The following DGLUCY variants were observed in gnomAD, a reference collection of about 807,000 sequenced individuals.
The protein encoded by DGLUCY is D-glutamate cyclase.
In DGLUCY, 58 loss-of-function variants were observed where a neutral mutation model predicts 58.5. The observed-to-expected ratio is 0.99, with a 90% CI of 0.80 to 1.23. DGLUCY has a LOEUF of 1.23. Ranked by LOEUF, DGLUCY falls within the 50% of genes most tolerant of loss-of-function variation. DGLUCY has a pLI of 0.00. For missense variants in DGLUCY, 779 were observed against 784.7 expected (o/e 0.99, Z 0.09); for synonymous variants, 325 against 314.1 (o/e 1.03, Z -0.37).
intron 1 of DGLUCY, among the ~76,000 whole-genome samples, chr14:91,077,061 C>T (rs1034057900): frequency 3.3e-5 from 5 of 151,958 alleles, no homozygotes; most frequent in African/African-American, 9.7e-5. Context: ...TGAGCAACAT[C>T]GTGAGAGCCT....
rs142118168 is a variant in DGLUCY, at chr14:91,175,990, C to T, written c.664C>T (p.Pro222Ser). 3.1e-6 allele frequency: 5 copies of T among 1,613,918 alleles called. No individual in the cohort carries two copies. The highest frequency in any genetic ancestry group is 4.2e-6 in the Non-Finnish European group (5 of 1,179,956). Residue 222 changes from proline (P) to serine (S), a missense_variant, in exon 7 of 14, where the codon CCC becomes TCC. Pro to Ser is a moderately conservative substitution (Grantham distance 74). Transcript: ENST00000256324. Reference protein sequence around the residue: ...KPAYGDAMVCPPGEVPVFWPS... With the variant: ...KPAYGDAMVCSPGEVPVFWPS... Reference sequence around the variant, plus strand: ...TGCCTACGGGGATGCCATGGTGTGTCCCCCAGGGGAGGTTCCAGTGTTCTG... The same window carrying T: ...TGCCTACGGGGATGCCATGGTGTGTTCCCCAGGGGAGGTTCCAGTGTTCTG...
intron 3 of DGLUCY, among the ~76,000 whole-genome samples, chr14:91,166,871 G>A (rs964372128): frequency 1.3e-5 from 2 of 152,090 alleles, no homozygotes; most frequent in South Asian, 2.1e-4. Context: ...AGGCCGAGGC[G>A]GGTGGATCAC....
chr14:91,076,826 G>C (rs1361472868), intron 1 of DGLUCY, among the ~76,000 whole-genome samples: 1 of 152,184 alleles, frequency 6.6e-6, no homozygotes, highest in Non-Finnish European at 1.5e-5. Context: ...CTGCATGAGG[G>C]AGGGAGTTAC....
At chr14:91,187,790 A>G (rs942790831) in intron 8 of DGLUCY, among the ~76,000 whole-genome samples, 2 of 152,142 alleles carry the variant, frequency 1.3e-5, no homozygotes, top group African/African-American at 2.4e-5. Context: ...AGAGAATCTC[A>G]AGCTGTGCTG....
rs1051849432 is a variant in DGLUCY at position 91,200,028 on chromosome 14, C to T, written c.1444+123C>T. On this transcript the variant is annotated intron_variant, in intron 11 of 13. Coordinates refer to ENST00000256324, the MANE Select transcript of DGLUCY (RefSeq NM_001102368.3). ...GGAGTGCAGTGGCACGATCTTGGCT[C>T]ACTGCAACCTCTGCCTCCTGGGTTC... 9 of 1,244,546 alleles carry T rather than the reference C, an allele frequency of 7.2e-6. No homozygotes were observed. In the African/African-American group the frequency reaches 1.3e-4, roughly 19 times the overall value. The allele number at this position is 1,244,546 out of a possible 1,614,324, so 77.1% of individuals were successfully genotyped here.
At position 91,074,118 on chromosome 14, in the gene DGLUCY, T is replaced by TACACAC. The variant is rs3086753; in HGVS notation, c.-82+13452_-82+13457dup. Among the ~76,000 whole-genome samples the TACACAC allele has an allele frequency of 9.4e-3, 661 of 70,306 alleles. 16 individuals carry two copies. Among genetic ancestry groups the TACACAC allele is most frequent in the Middle Eastern group, 0.017 (2 of 116 alleles). The allele number at this position is 70,306 out of a possible 152,430, so 46.1% of individuals were successfully genotyped here. On this transcript the variant is annotated intron_variant, in intron 1 of 4. Transcript: ENST00000521334. ...CAAAAAAAAAAAATATATATATATA[T>TACACAC]ACACACACACACACACACACACACA...
Position 91,196,385 on chromosome 14 carries a change from G to T in DGLUCY, c.1206G>T (p.Lys402Asn). 2 of 1,614,052 alleles carry T rather than the reference G, an allele frequency of 1.2e-6. No individual in the cohort carries two copies. Among genetic ancestry groups the T allele is most frequent in the Middle Eastern group, 3.3e-4 (2 of 6,062 alleles). Residue 402 changes from lysine to asparagine, a missense_variant, in exon 10 of 14, where the codon AAG becomes AAT. Coordinates refer to ENST00000256324, the MANE Select transcript of DGLUCY (RefSeq NM_001102368.3). ...VEDAVEQGVL[K>N]TQIPILTYQG... is the part of the protein sequence containing the mutation. Reference sequence around the variant, plus strand: ...GCCTTTATTTTCAAGGTGTTCTGAAGACGCAGATCCCGATATTAACTTACC... The same window carrying T: ...GCCTTTATTTTCAAGGTGTTCTGAATACGCAGATCCCGATATTAACTTACC...
At chr14:91,172,754 C>T (rs2140411142) in intron 5 of DGLUCY, among the ~76,000 whole-genome samples, 1 of 152,016 alleles carries the variant, frequency 6.6e-6, no homozygotes, top group African/African-American at 2.4e-5. Flanking sequence ...TCAAGCCGTT[C>T]TCCTGCCTCA....
At chr14:91,217,114 C>T (rs1044624098) in intron 13 of DGLUCY, among the ~76,000 whole-genome samples, 4 of 152,192 alleles carry the variant, frequency 2.6e-5, no homozygotes, top group African/African-American at 4.8e-5. Context: ...ACCAGACTTG[C>T]GGGACATTCA....
chr14:91,060,386 C>A, exon 1 of DGLUCY: 1 of 1,509,568 alleles, frequency 6.6e-7, no homozygotes, highest in Non-Finnish European at 8.9e-7. Context: ...TCGCCGCCGT[C>A]CGCGCTGGTC....
At chr14:91,135,407 T>C (rs1183042297) in intron 1 of DGLUCY, among the ~76,000 whole-genome samples, 1 of 152,118 alleles carries the variant, frequency 6.6e-6, no homozygotes, top group Non-Finnish European at 1.5e-5. Flanking sequence ...CCCAGAACTT[T>C]GGGAGGCCAA....
At chr14:91,062,558 A>AAAAAAAAAAATATAT (rs1555386902) in intron 1 of DGLUCY, among the ~76,000 whole-genome samples, 2 of 23,694 alleles carry the variant, frequency 8.4e-5, no homozygotes, top group Non-Finnish European at 1.5e-4. Context: ...AAAAAAAAAA[A>AAAAAAAAAAATATAT]ATATATATAT....
upstream of DGLUCY, among the ~76,000 whole-genome samples, chr14:91,106,812 A>T (rs1378995134): frequency 6.6e-6 from 1 of 152,158 alleles, no homozygotes; most frequent in African/African-American, 2.4e-5. Context: ...ATTTTTGTCC[A>T]GGCTGTAATG....
At chr14:91,139,061 G>A (rs1038558295) in intron 1 of DGLUCY, among the ~76,000 whole-genome samples, 1 of 152,192 alleles carries the variant, frequency 6.6e-6, no homozygotes, top group Non-Finnish European at 1.5e-5. Context: ...AACAGATTTA[G>A]TATAAAGAAT....
intron 1 of DGLUCY, among the ~76,000 whole-genome samples, chr14:91,102,492 C>G (rs1471572643): frequency 2.6e-5 from 4 of 152,168 alleles, no homozygotes; most frequent in Non-Finnish European, 4.4e-5. Flanking sequence ...CTCCTCCGGC[C>G]CCGGGACTGT....
In DGLUCY at chr14:91,224,726, A is replaced by G. The variant is rs754831807; in HGVS notation, c.1759A>G (p.Ser587Gly). Residue 587 changes from serine (S) to glycine (G), a missense_variant, in exon 14 of 14, where the codon AGT becomes GGT. By Grantham distance (56) the Ser-to-Gly change is moderately conservative. Coordinates refer to ENST00000256324, the MANE Select transcript of DGLUCY (RefSeq NM_001102368.3). The stretch of plus-strand genomic sequence containing the variant: ...CATCTTGGTGCAGCACAAAGTCCGG[A>G]GTGGCGTCTCGGGCATCGTGGGCAT... ...LGILVQHKVRSGVSGIVGMEV... is the reference protein window; with the variant it reads ...LGILVQHKVRGGVSGIVGMEV... The G allele has an allele frequency of 2.5e-6, 4 of 1,612,948 alleles. 1 individual carries two copies. The Admixed American group carries it at 6.7e-5, about 27-fold the overall frequency.
rs143527232 is a variant in DGLUCY at position 91,122,610 on chromosome 14, T to G, written c.-82+8327T>G. On this transcript the variant is annotated intron_variant, in intron 1 of 13. Coordinates refer to ENST00000256324, the MANE Select transcript of DGLUCY (RefSeq NM_001102368.3). ...TATAATAAAAGAAAAAAGTTTTTTTTTTTTTTTTTTGAGATAGAGTCTCAC... is the reference window on the plus strand; with the variant it reads ...TATAATAAAAGAAAAAAGTTTTTTTGTTTTTTTTTTGAGATAGAGTCTCAC... 8.4e-4 allele frequency among the ~76,000 whole-genome samples: 113 copies of G among 133,926 alleles called. 1 individual carries two copies. Among genetic ancestry groups the G allele is most frequent in the Non-Finnish European group, 1.3e-3 (81 of 63,168 alleles). The allele number at this position is 133,926 out of a possible 152,430, so 87.9% of individuals were successfully genotyped here. A position where few individuals can be genotyped will look rare whatever the true frequency, so the allele number is the denominator to read the frequency against.
intron 1 of DGLUCY, among the ~76,000 whole-genome samples, chr14:91,079,560 G>A (rs890375234): frequency 3.2e-4 from 48 of 152,142 alleles, no homozygotes; most frequent in African/African-American, 1.0e-3. Context: ...CGCCATATGG[G>A]CCGGGCTGGT....
rs554262362 is a variant in DGLUCY, at chr14:91,084,314, G to A, written c.-82+23610G>A. Among the ~76,000 whole-genome samples the A allele has an allele frequency of 3.3e-5, 5 of 150,282 alleles. No homozygotes were observed. The East Asian group carries it at 5.9e-4, about 18-fold the overall frequency. Reference sequence around the variant, plus strand: ...CACCTCCTGGGTTCAAGAGATTTTCGTGCCTCAGCCTCCCGAGTAGCTGGA... The same window carrying A: ...CACCTCCTGGGTTCAAGAGATTTTCATGCCTCAGCCTCCCGAGTAGCTGGA... On this transcript the variant is annotated intron_variant, in intron 1 of 4. Transcript: ENST00000521334.
Sources: allele counts gnomAD v4.1 joint callset (sites outside exome capture counted in the v4.1 genomes callset), GRCh38; gene constraint gnomAD v4.1.1; transcripts MANE v1.5; gene names NCBI Gene and HGNC (gene_info 2026-07-23, HGNC 2026-07-21).